ATP2B2: variants seen among roughly 807,000 people sequenced by gnomAD.
The protein encoded by ATP2B2 is ATPase plasma membrane Ca2+ transporting 2, also known as plasma membrane calcium-transporting ATPase 2.
ATP2B2 carries 15 observed loss-of-function variants against 120.0 expected under a neutral mutation model. The ratio of observed to expected loss-of-function variants is 0.12; its 90% CI spans 0.08 to 0.19. The LOEUF (loss-of-function observed/expected upper bound fraction) is 0.19. ATP2B2 is among the 10% of genes least tolerant of loss of function. The probability of loss-of-function intolerance (pLI) is 1.00; values close to 1 mark genes in which losing one functional copy is unlikely to be tolerated. For missense variants in ATP2B2, 1,045 were observed against 1,719.8 expected (o/e 0.61, Z 6.94); for synonymous variants, 694 against 700.3 (o/e 0.99, Z 0.14).
intron 2 of ATP2B2, among the ~76,000 whole-genome samples, chr3:10,585,551 G>A (rs904970130): frequency 4.5e-5 from 6 of 133,902 alleles, no homozygotes; most frequent in Non-Finnish European, 9.3e-5. Flanking sequence ...TGACCTGCAA[G>A]ACCCGACTCT....
intron 22 of ATP2B2, among the ~76,000 whole-genome samples, chr3:10,337,811 CG>C (rs2060164443): frequency 6.6e-6 from 1 of 152,114 alleles, no homozygotes; most frequent in African/African-American, 2.4e-5. Context: ...CAGCCTCACA[CG>C]GCCCCTGTGG....
At chr3:10,396,436 C>T (rs1290996044) in intron 5 of ATP2B2, among the ~76,000 whole-genome samples, 1 of 152,226 alleles carries the variant, frequency 6.6e-6, no homozygotes, top group Admixed American at 6.5e-5. Context: ...TAAGCTGAAA[C>T]AGTGCATGAG....
chr3:10,395,905 A>G (rs2062019826), intron 5 of ATP2B2, among the ~76,000 whole-genome samples: 1 of 152,144 alleles, frequency 6.6e-6, no homozygotes, highest in South Asian at 2.1e-4. Flanking sequence ...CTGCAGACAT[A>G]TGAGTTTGCA....
At position 10,387,623 on chromosome 3, in the gene ATP2B2, T is replaced by C. The variant is rs138989119; in HGVS notation, c.907+654A>G. On this transcript the variant is annotated intron_variant, in intron 6 of 22. Transcript: ENST00000360273. ...GCCTGAAGAGACTTGAGCTTTTTGT[T>C]TGAGCATCTTTCCCTCTGTTCTGAG... is the stretch of plus-strand genomic sequence containing the variant. 3.5e-3 allele frequency among the ~76,000 whole-genome samples: 540 copies of C among 152,334 alleles called. 5 individuals are homozygous for C. The highest frequency in any genetic ancestry group is 0.012 in the African/African-American group (519 of 41,578).
At chr3:10,676,220 CCA>C (rs1241833148) in intron 1 of ATP2B2, among the ~76,000 whole-genome samples, 1 of 152,060 alleles carries the variant, frequency 6.6e-6, no homozygotes, top group East Asian at 1.9e-4. Context: ...AAGCAGGACC[CCA>C]GTCTCTGGAA....
chr3:10,521,913 CTG>C (rs921010550), intron 3 of ATP2B2, among the ~76,000 whole-genome samples: 6 of 152,208 alleles, frequency 3.9e-5, no homozygotes, highest in African/African-American at 1.2e-4. Flanking sequence ...GAAGAGGAGA[CTG>C]AGAGTCAGCG....
At chr3:10,514,385 G>A (rs988495953) in intron 3 of ATP2B2, among the ~76,000 whole-genome samples, 7 of 152,146 alleles carry the variant, frequency 4.6e-5, no homozygotes, top group Non-Finnish European at 8.8e-5. Flanking sequence ...GTCTTGATGG[G>A]TTCCTTAGAC....
chr3:10,622,454 T>A, intron 1 of ATP2B2, among the ~76,000 whole-genome samples: 1 of 152,104 alleles, frequency 6.6e-6, no homozygotes, highest in African/African-American at 2.4e-5. Flanking sequence ...TAAATAAAGG[T>A]GAAGGCCTGG....
intron 1 of ATP2B2, among the ~76,000 whole-genome samples, chr3:10,659,617 G>T (rs1484818531): frequency 6.6e-6 from 1 of 152,152 alleles, no homozygotes; most frequent in African/African-American, 2.4e-5. Context: ...GACCTACAAA[G>T]AGACTTAGAC....
intron 3 of ATP2B2, among the ~76,000 whole-genome samples, chr3:10,529,278 A>G (rs2067162549): frequency 6.6e-6 from 1 of 152,202 alleles, no homozygotes; most frequent in Non-Finnish European, 1.5e-5. Flanking sequence ...TATTTTGGGA[A>G]CGATCTTCCT....
At position 10,340,521 on chromosome 3, in the gene ATP2B2, G is replaced by A; in HGVS notation, c.3101C>T (p.Thr1034Ile). Reference sequence around the variant, plus strand: ...GATGGCAAAGGTGCCCAGCACGATGGTGCAGAAGATGGGGTTCCGGAAGAT... The same window carrying A: ...GATGGCAAAGGTGCCCAGCACGATGATGCAGAAGATGGGGTTCCGGAAGAT... ...DGIFRNPIFC[T>I]IVLGTFAIQI... The change falls in exon 20 of 23, where the codon ACC (threonine) becomes ATC (isoleucine). Residue 1034 changes from threonine to isoleucine, a missense_variant. By Grantham distance (89) the Thr-to-Ile change is moderately conservative. This residue lies in a region of ATP2B2 where 211 missense variants were observed against 385.1 expected (regional missense o/e 0.55). Coordinates refer to ENST00000360273, the MANE Select transcript of ATP2B2 (RefSeq NM_001001331.4). The surrounding 1 kb of genome is among the most constrained non-coding windows in gnomAD (Gnocchi z 5.0). The A allele has an allele frequency of 6.2e-7, 1 of 1,614,252 alleles. No homozygotes were observed. The highest frequency in any genetic ancestry group is 8.5e-7 in the Non-Finnish European group (1 of 1,180,036).
intron 2 of ATP2B2, among the ~76,000 whole-genome samples, chr3:10,572,870 G>A (rs1575510830): frequency 6.6e-6 from 1 of 152,272 alleles, no homozygotes; most frequent in South Asian, 2.1e-4. Context: ...AGTAACTTAG[G>A]GGCAGCTCTA....
chr3:10,472,986 T>A (rs550810086), intron 1 of ATP2B2, among the ~76,000 whole-genome samples: 3 of 152,338 alleles, frequency 2.0e-5, no homozygotes, highest in Admixed American at 2.0e-4. Flanking sequence ...TGAACCAAGA[T>A]CTGATCTAAG....
intron 14 of ATP2B2, among the ~76,000 whole-genome samples, chr3:10,350,918 C>T (rs3843384): frequency 0.43 from 64,963 of 151,966 alleles, 14,116 homozygotes; most frequent in South Asian, 0.57. Flanking sequence ...CTTCCATGAA[C>T]GCCTCCTCAG....
At chr3:10,580,180 C>T (rs1341833784) in intron 2 of ATP2B2, among the ~76,000 whole-genome samples, 1 of 152,174 alleles carries the variant, frequency 6.6e-6, no homozygotes, top group Non-Finnish European at 1.5e-5. Flanking sequence ...GGGAACGAGA[C>T]TCAAGTCCTG....
chr3:10,507,373 A>G (rs899121053), upstream of ATP2B2, among the ~76,000 whole-genome samples: 9 of 152,142 alleles, frequency 5.9e-5, 1 homozygote, highest in Admixed American at 2.6e-4. Flanking sequence ...CCACCCCTCT[A>G]GGTGGTCTTC....
intron 3 of ATP2B2, among the ~76,000 whole-genome samples, chr3:10,527,506 A>G (rs1294010036): frequency 6.6e-6 from 1 of 152,180 alleles, no homozygotes; most frequent in Non-Finnish European, 1.5e-5. Context: ...GGCCAGAGAC[A>G]GTCCCTCCTG....
chr3:10,671,849 C>T (rs764424862), intron 1 of ATP2B2, among the ~76,000 whole-genome samples: 2 of 152,138 alleles, frequency 1.3e-5, no homozygotes, highest in South Asian at 2.1e-4. Flanking sequence ...CTGGTGGCCT[C>T]GGAAGGAGTC....
At chr3:10,562,506 CAG>C (rs1351948297) in intron 2 of ATP2B2, among the ~76,000 whole-genome samples, 1 of 152,170 alleles carries the variant, frequency 6.6e-6, no homozygotes, top group Non-Finnish European at 1.5e-5. Flanking sequence ...AGGGAAGACT[CAG>C]TGGGCAACAG....
Sources: allele counts gnomAD v4.1 joint callset (sites outside exome capture counted in the v4.1 genomes callset), GRCh38; gene constraint gnomAD v4.1.1; regional missense constraint gnomAD v4.1.1; non-coding constraint Gnocchi (gnomAD v3.1); transcripts MANE v1.5; gene names NCBI Gene and HGNC (gene_info 2026-07-23, HGNC 2026-07-21).